MTTP: variants seen among roughly 807,000 people sequenced by gnomAD.
The protein encoded by MTTP is microsomal triglyceride transfer protein.
Under a neutral mutation model 90.6 loss-of-function variants are expected in MTTP, and 49 were observed. That is an observed-to-expected ratio of 0.54 (90% confidence interval 0.43 to 0.69). MTTP has a LOEUF of 0.69. Ranked by LOEUF, MTTP falls within the 30% of genes least tolerant of loss-of-function variation. The pLI is 0.00. For missense variants in MTTP, 945 were observed against 1,067.5 expected (o/e 0.89, Z 1.60); for synonymous variants, 347 against 384.2 (o/e 0.90, Z 1.13).
chr4:99,623,892 G>A lies in MTTP; in HGVS notation c.*1044G>A, dbSNP rs886058965. On this transcript the variant is annotated 3_prime_UTR_variant, in exon 18 of 18. Coordinates refer to ENST00000265517, the MANE Select transcript of MTTP (RefSeq NM_001386140.1). ...GTGATAAACCCAAAACAAATGACAG[G>A]TCCTTATTTTCCACTAAACACAGAC... The A allele has an allele frequency of 6.6e-6, 1 of 152,118 alleles. No homozygotes were observed. Among genetic ancestry groups the A allele is most frequent in the South Asian group, 2.1e-4 (1 of 4,828 alleles). 9.4% of individuals were successfully genotyped at this position (152,118 alleles called of 1,614,324 possible).
At chr4:99,566,166 G>A (rs898341393) in intron 1 of MTTP, among the ~76,000 whole-genome samples, 17 of 152,028 alleles carry the variant, frequency 1.1e-4, no homozygotes, top group African/African-American at 3.4e-4. Flanking sequence ...GCGGGCGCCT[G>A]TAGTCCCGTC....
At chr4:99,596,049 A>G (rs1725544638) in intron 7 of MTTP, among the ~76,000 whole-genome samples, 1 of 152,144 alleles carries the variant, frequency 6.6e-6, no homozygotes, top group Admixed American at 6.5e-5. Context: ...AAAGTAAAAC[A>G]AAAACAAAAA....
chr4:99,609,070 A>C, intron 12 of MTTP, 93 bp downstream of exon 12: 1 of 1,245,244 alleles, frequency 8.0e-7, no homozygotes, highest in East Asian at 2.3e-5. Context: ...TGTGGTCATT[A>C]TGCAGGGTTA....
In MTTP at chr4:99,600,578, G is replaced by C; in HGVS notation, c.1081G>C (p.Asp361His). 6.2e-7 allele frequency: 1 copy of C among 1,613,596 alleles called. No individual in the cohort carries two copies. The highest frequency in any genetic ancestry group is 1.1e-5 in the South Asian group (1 of 91,062). ...CTTTTTTTATAGACCTCAGCTGGTG[G>C]ATGCTGTCACCTCTGCTCAGACCTC... ...ENKEVLPQLV[D>H]AVTSAQTSDS... The change falls in exon 9 of 18, where the codon GAT (aspartate) becomes CAT (histidine). Residue 361 changes from aspartate to histidine, a missense_variant. Asp to His is a moderately conservative substitution (Grantham distance 81, BLOSUM62 -1). Transcript: ENST00000265517.
chr4:99,611,812 C>G (rs1348629248), intron 14 of MTTP, among the ~76,000 whole-genome samples: 1 of 152,162 alleles, frequency 6.6e-6, no homozygotes, highest in Non-Finnish European at 1.5e-5. Context: ...AGCCTCCTCT[C>G]ACCCCCAAGT....
chr4:99,622,886 G>A lies in MTTP; in HGVS notation c.*38G>A, dbSNP rs561157874. On this transcript the variant is annotated 3_prime_UTR_variant, in exon 18 of 18. Transcript: ENST00000265517. ...ATATTTTACTTGAATTTGTCTCCCC[G>A]AAAGGGACACAATGTGGCATGACTA... 3.8e-6 allele frequency: 6 copies of A among 1,593,856 alleles called. No individual in the cohort carries two copies. The highest frequency in any genetic ancestry group is 4.5e-5 in the East Asian group (2 of 44,764).
rs116033839 is a variant in MTTP at position 99,580,301 on chromosome 4, C to G, written c.62-1604C>G. On this transcript the variant is annotated intron_variant, in intron 1 of 17. Transcript: ENST00000265517. The stretch of plus-strand genomic sequence containing the variant: ...CCTGGATTAAAATCATATCTCCAGC[C>G]AGACGTGGTAGCTCACATCTATAAT... Among the ~76,000 whole-genome samples the G allele has an allele frequency of 3.7e-3, 558 of 151,410 alleles. 4 individuals carry two copies. Among genetic ancestry groups the G allele is most frequent in the African/African-American group, 0.013 (526 of 41,296 alleles).
intron 1 of MTTP, among the ~76,000 whole-genome samples, chr4:99,569,567 TATAAAC>T (rs1724788744): frequency 6.6e-6 from 1 of 152,012 alleles, no homozygotes; most frequent in South Asian, 2.1e-4. Context: ...CTAAAACTGT[TATAAAC>T]AATAAACCTA....
At chr4:99,583,259 A>G (rs1725170884) in intron 2 of MTTP, 115 bp from the exon 3 acceptor site, 3 of 1,167,880 alleles carry the variant, frequency 2.6e-6, no homozygotes, top group South Asian at 1.4e-5. Flanking sequence ...TTGAAAAATG[A>G]CAGAAGAAAT....
chr4:99,585,632 C>G (rs1165558899), intron 3 of MTTP, among the ~76,000 whole-genome samples: 1 of 152,092 alleles, frequency 6.6e-6, no homozygotes, highest in Non-Finnish European at 1.5e-5. Flanking sequence ...TACTGACAAC[C>G]AATCATTTTA....
At chr4:99,567,089 A>C (rs1446953936) in intron 1 of MTTP, among the ~76,000 whole-genome samples, 1 of 152,172 alleles carries the variant, frequency 6.6e-6, no homozygotes, top group Non-Finnish European at 1.5e-5. Flanking sequence ...AATCATTTCA[A>C]CCTGCATTTC....
chr4:99,605,252 T>A (rs77830511), intron 10 of MTTP, among the ~76,000 whole-genome samples: 2 of 152,280 alleles, frequency 1.3e-5, no homozygotes, highest in East Asian at 1.9e-4. Flanking sequence ...TTAAAAAAAA[T>A]TTTTCTTTCT....
intron 15 of MTTP, among the ~76,000 whole-genome samples, chr4:99,616,868 G>A (rs1278314011): frequency 6.6e-6 from 1 of 152,160 alleles, no homozygotes; most frequent in Non-Finnish European, 1.5e-5. Flanking sequence ...GCCATGAAAT[G>A]GCCTTTTCCA....
At chr4:99,588,671 T>C (rs1241584760) in intron 3 of MTTP, among the ~76,000 whole-genome samples, 2 of 149,296 alleles carry the variant, frequency 1.3e-5, no homozygotes, top group East Asian at 2.0e-4. Context: ...CAACCTCAAA[T>C]TTTCCAGCCT....
rs1243210885 is a variant in MTTP, at chr4:99,582,062, T to G, written c.219T>G (p.Asp73Glu). The G allele has an allele frequency of 6.2e-7, 1 of 1,614,170 alleles. No individual in the cohort carries two copies. The highest frequency in any genetic ancestry group is 8.5e-7 in the Non-Finnish European group (1 of 1,180,000). ...VDVALLWRNP[D>E]GDDDQLIQIT... ...TGGCCTTACTATGGAGGAATCCTGA[T>G]GGTGATGATGACCAGTTGATCCAAA... The change falls in exon 2 of 18, where the codon GAT becomes GAG. Residue 73 changes from aspartate to glutamate, a missense_variant. Physicochemically the swap from Asp to Glu is conservative, Grantham distance 45. Coordinates refer to ENST00000265517, the MANE Select transcript of MTTP (RefSeq NM_001386140.1).
At chr4:99,612,157 A>G (rs1007876589) in intron 14 of MTTP, among the ~76,000 whole-genome samples, 1 of 152,218 alleles carries the variant, frequency 6.6e-6, no homozygotes, top group Non-Finnish European at 1.5e-5. Flanking sequence ...TTGAGTCTTT[A>G]TCAATCTTAT....
chr4:99,583,140 A>C (rs1725168129), intron 2 of MTTP, among the ~76,000 whole-genome samples: 1 of 152,264 alleles, frequency 6.6e-6, no homozygotes, highest in Admixed American at 6.5e-5. Context: ...TTAAGCCTAA[A>C]GTCACAGAGT....
intron 15 of MTTP, among the ~76,000 whole-genome samples, chr4:99,617,979 C>T (rs4552468): frequency 0.082 from 12,467 of 152,038 alleles, 889 homozygotes; most frequent in East Asian, 0.19. Flanking sequence ...ATACAGTTGG[C>T]GTCTCTGTAA....
chr4:99,622,936 C>T lies in MTTP; in HGVS notation c.*88C>T, dbSNP rs1015556322. 107 of 1,404,812 alleles carry T rather than the reference C, an allele frequency of 7.6e-5. No homozygotes were observed. Among genetic ancestry groups the T allele is most frequent in the Middle Eastern group, 2.1e-4 (1 of 4,756 alleles). 87.0% of individuals were successfully genotyped at this position (1,404,812 alleles called of 1,614,324 possible). A position where few individuals can be genotyped will look rare whatever the true frequency, so the allele number is the denominator to read the frequency against. On this transcript the variant is annotated 3_prime_UTR_variant, in exon 18 of 18. Coordinates refer to ENST00000265517, the MANE Select transcript of MTTP (RefSeq NM_001386140.1). ...AAGTACTTGCTCTCTGAGAGCACAG[C>T]GTTTACATATTTACCTGTATTTAAG...
Sources: gnomAD v4.1 joint callset for allele counts (sites outside exome capture counted in the v4.1 genomes callset) on GRCh38, gnomAD v4.1.1 for gene constraint, MANE v1.5 for transcripts, NCBI Gene and HGNC (gene_info 2026-07-23, HGNC 2026-07-21) for gene names.